The following ZNF90 variants were observed in gnomAD, a reference collection of about 807,000 sequenced individuals.
The protein encoded by ZNF90 is zinc finger protein HTF9.
In ZNF90, 11 loss-of-function variants were observed where a neutral mutation model predicts 12.0. The ratio of observed to expected loss-of-function variants is 0.92; its 90% CI spans 0.58 to 1.52. The LOEUF is 1.52. ZNF90 is among the 40% of genes most tolerant of loss of function. ZNF90 has a pLI of 0.00. For missense variants in ZNF90, 765 were observed against 711.5 expected, an observed-to-expected ratio of 1.08 and a Z score of -0.86; for synonymous variants, 232 against 240.1, an observed-to-expected ratio of 0.97 and a Z score of 0.31.
chr19:20,082,644 G>A (rs1190104830), intron 1 of ZNF90, among the ~76,000 whole-genome samples: 3 of 152,158 alleles, frequency 2.0e-5, no homozygotes, highest in Non-Finnish European at 2.9e-5. Context: ...GAAGGCCGCA[G>A]GGACCTCTGC....
At chr19:20,101,164 C>T (rs567046401) in intron 1 of ZNF90, among the ~76,000 whole-genome samples, 23 of 152,334 alleles carry the variant, frequency 1.5e-4, no homozygotes, top group African/African-American at 5.3e-4. Flanking sequence ...CCGCTGTGCT[C>T]CTTTGCCACT....
intron 1 of ZNF90, among the ~76,000 whole-genome samples, chr19:20,091,977 T>G (rs1000177202): frequency 2.0e-5 from 3 of 152,084 alleles, no homozygotes; most frequent in Admixed American, 2.0e-4. Flanking sequence ...TGATTAGGCC[T>G]GGTGGAACTG....
At chr19:20,098,936 A>T (rs1459959418) in intron 1 of ZNF90, among the ~76,000 whole-genome samples, 1 of 152,200 alleles carries the variant, frequency 6.6e-6, no homozygotes, top group Non-Finnish European at 1.5e-5. Flanking sequence ...TAGATAAGCT[A>T]GTTGCTTCCA....
At chr19:20,080,435 G>T in intron 1 of ZNF90, 1 of 324,238 alleles carries the variant, frequency 3.1e-6, no homozygotes, top group East Asian at 9.1e-5. Context: ...CAATCTTGGT[G>T]TTGGCAGCCG....
chr19:20,112,535 T>C (rs1489128687), intron 3 of ZNF90, among the ~76,000 whole-genome samples: 5 of 151,700 alleles, frequency 3.3e-5, no homozygotes, highest in Non-Finnish European at 7.4e-5. Context: ...TTGTTTAGGC[T>C]GGTCTCAGAC....
rs543790900 is a variant in ZNF90 at position 20,082,899 on chromosome 19, A to G, written c.3+4764A>G. ...CTGATTGTATATTCCATCTACTGAG[A>G]TAGGAGAAAACCCCCTTAACGCTGG... On this transcript the variant is annotated intron_variant, in intron 1 of 3. Coordinates refer to ENST00000418063, the MANE Select transcript of ZNF90 (RefSeq NM_007138.2). 1.6e-3 allele frequency among the ~76,000 whole-genome samples: 248 copies of G among 152,286 alleles called. 1 individual carries two copies. The highest frequency in any genetic ancestry group is 2.0e-3 in the Non-Finnish European group (135 of 68,028).
At position 20,120,067 on chromosome 19, in the gene ZNF90, C is replaced by T. The variant is rs2089182750; in HGVS notation, c.*707C>T. On this transcript the variant is annotated 3_prime_UTR_variant, in exon 4 of 4. Transcript: ENST00000418063. Reference sequence around the variant, plus strand: ...ACAAATCCTTTATATGGTTGCAAGACTTGATTGTAGGTAAGATAATTCATA... The same window carrying T: ...ACAAATCCTTTATATGGTTGCAAGATTTGATTGTAGGTAAGATAATTCATA... Among the ~76,000 whole-genome samples the T allele has an allele frequency of 6.6e-6, 1 of 152,152 alleles. No homozygotes were observed. The highest frequency in any genetic ancestry group is 6.5e-5 in the Admixed American group (1 of 15,270).
chr19:20,100,332 C>A (rs1369224778), intron 1 of ZNF90, among the ~76,000 whole-genome samples: 4 of 152,222 alleles, frequency 2.6e-5, no homozygotes, highest in Admixed American at 2.6e-4. Context: ...TCAAAACTAT[C>A]AAGCAGATAG....
At chr19:20,092,409 G>A (rs1282054630) in intron 1 of ZNF90, among the ~76,000 whole-genome samples, 1 of 152,178 alleles carries the variant, frequency 6.6e-6, no homozygotes, top group Non-Finnish European at 1.5e-5. Flanking sequence ...CCTGGTCCTT[G>A]TGTAAGAATT....
At position 20,104,266 on chromosome 19, in the gene ZNF90, A is replaced by G. The variant is rs782736363; in HGVS notation, c.31A>G (p.Ile11Val). 6.2e-6 allele frequency: 10 copies of G among 1,613,976 alleles called. No homozygotes were observed. Among genetic ancestry groups the G allele is most frequent in the Middle Eastern group, 1.6e-4 (1 of 6,082 alleles). Residue 11 changes from isoleucine (I) to valine (V), a missense_variant, in exon 2 of 4, where the codon ATA becomes GTA. Physicochemically the swap from Ile to Val is conservative, Grantham distance 29 (BLOSUM62 3). Transcript: ENST00000418063. MGPLEFRDVA[I>V]EFSLEEWHCL... ...ACCATTGGAATTTAGAGATGTGGCC[A>G]TAGAATTCTCTCTGGAGGAGTGGCA...
At chr19:20,095,534 A>G (rs865075) in intron 1 of ZNF90, among the ~76,000 whole-genome samples, 67,753 of 151,350 alleles carry the variant, frequency 0.45, 16,224 homozygotes, top group East Asian at 0.74. Flanking sequence ...AGGGGTTCGG[A>G]GGTTCTTACC....
At chr19:20,099,716 C>A (rs1238957198) in intron 1 of ZNF90, among the ~76,000 whole-genome samples, 1 of 152,116 alleles carries the variant, frequency 6.6e-6, no homozygotes, top group African/African-American at 2.4e-5. Context: ...GCCTGAAAGC[C>A]CAAATCCTTT....
Position 20,104,276 on chromosome 19 carries a change from C to T in ZNF90, c.41C>T (p.Ser14Phe). Residue 14 changes from serine to phenylalanine, a missense_variant, in exon 2 of 4, where the codon TCT (serine) becomes TTT (phenylalanine). Coordinates refer to ENST00000418063, the MANE Select transcript of ZNF90 (RefSeq NM_007138.2). ...LEFRDVAIEF[S>F]LEEWHCLDTA... ...TTTAGAGATGTGGCCATAGAATTCT[C>T]TCTGGAGGAGTGGCATTGCCTGGAC... The T allele has an allele frequency of 6.2e-7, 1 of 1,614,028 alleles. No homozygotes were observed. Among genetic ancestry groups the T allele is most frequent in the Non-Finnish European group, 8.5e-7 (1 of 1,179,978 alleles).
intron 3 of ZNF90, among the ~76,000 whole-genome samples, chr19:20,109,371 CTAAG>C (rs1326370500): frequency 1.3e-5 from 2 of 152,026 alleles, no homozygotes; most frequent in Non-Finnish European, 2.9e-5. Context: ...TTTATCTTGT[CTAAG>C]TGAGTAGTCA....
intron 1 of ZNF90, among the ~76,000 whole-genome samples, chr19:20,090,984 C>G (rs1213617301): frequency 6.6e-6 from 1 of 152,082 alleles, no homozygotes; most frequent in Non-Finnish European, 1.5e-5. Context: ...GCCTGAGAAA[C>G]TGCTTGGGTG....
At chr19:20,114,571 C>G (rs2089119814) in intron 3 of ZNF90, among the ~76,000 whole-genome samples, 1 of 151,992 alleles carries the variant, frequency 6.6e-6, no homozygotes, top group East Asian at 1.9e-4. Context: ...TGTATCATTT[C>G]TATATATTTG....
chr19:20,083,664 C>T (rs2088837951), intron 1 of ZNF90, among the ~76,000 whole-genome samples: 1 of 152,126 alleles, frequency 6.6e-6, no homozygotes, highest in Admixed American at 6.5e-5. Flanking sequence ...TCTCCAGCAT[C>T]ATCGATGTTA....
rs1309625876 is a variant in ZNF90, at chr19:20,088,319, G to A, written c.3+10184G>A. 2.0e-5 allele frequency among the ~76,000 whole-genome samples: 3 copies of A among 152,164 alleles called. No individual in the cohort carries two copies. In the East Asian group the frequency reaches 5.8e-4, roughly 29 times the overall value. On this transcript the variant is annotated intron_variant, in intron 1 of 3. Transcript: ENST00000418063. ...AGATTAAGCTGAAGGGAGGTCTTGT[G>A]GTAAGGGGTGATATTGTGGGGATGT...
intron 1 of ZNF90, 110 bp downstream of exon 1, chr19:20,078,245 A>G (rs992069832): frequency 7.0e-7 from 1 of 1,420,752 alleles, no homozygotes; most frequent in African/African-American, 1.4e-5. Context: ...ACAATCTGCG[A>G]CCGACTTCTC....
Sources: allele counts gnomAD v4.1 joint callset (sites outside exome capture counted in the v4.1 genomes callset), GRCh38; gene constraint gnomAD v4.1.1; transcripts MANE v1.5; gene names NCBI Gene and HGNC (gene_info 2026-07-23, HGNC 2026-07-21).